Variants in ARHGAP17 observed in about 807,000 individuals in gnomAD.
ARHGAP17 encodes the protein Rho GTPase activating protein 17.
In ARHGAP17, 57 loss-of-function variants were observed where a neutral mutation model predicts 99.5. The ratio of observed to expected loss-of-function variants is 0.57; its 90% CI spans 0.46 to 0.71. The LOEUF (loss-of-function observed/expected upper bound fraction) is 0.71. ARHGAP17 is among the 30% of genes least tolerant of loss of function. The pLI is 0.00. For missense variants in ARHGAP17, 1,000 were observed against 1,122.4 expected (o/e 0.89, Z 1.56); for synonymous variants, 417 against 429.6 (o/e 0.97, Z 0.36).
At chr16:24,992,206 T>C (rs2053064606) in intron 1 of ARHGAP17, among the ~76,000 whole-genome samples, 1 of 152,198 alleles carries the variant, frequency 6.6e-6, no homozygotes, top group African/African-American at 2.4e-5. Flanking sequence ...AGTTTCAGAA[T>C]GAAAAGTAGA....
rs749432666 is a variant in ARHGAP17 at position 24,920,225 on chromosome 16, T to C, written c.2551A>G (p.Ile851Val). The change falls in exon 20 of 20, where the codon ATC (isoleucine) becomes GTC (valine). Residue 851 changes from isoleucine (I) to valine (V), a missense_variant. Transcript: ENST00000289968. The stretch of plus-strand genomic sequence containing the variant: ...GAGTCTGAGTGCATTTCAGGAAAGA[T>C]GCTGCGATGCGGTTCTGAAACCCTG... ...NSRVSEPHRS[I>V]FPEMHSDSAS... The C allele has an allele frequency of 3.7e-6, 6 of 1,613,970 alleles. No individual in the cohort carries two copies. The Admixed American group carries it at 8.3e-5, about 22-fold the overall frequency.
chr16:24,974,884 T>C (rs1392068031), intron 3 of ARHGAP17, among the ~76,000 whole-genome samples: 1 of 152,180 alleles, frequency 6.6e-6, no homozygotes, highest in Non-Finnish European at 1.5e-5. Context: ...CAGTAGCTCA[T>C]GCCTGTAATC....
At chr16:24,941,266 A>G (rs2051304470) in intron 16 of ARHGAP17, among the ~76,000 whole-genome samples, 1 of 152,248 alleles carries the variant, frequency 6.6e-6, no homozygotes, top group African/African-American at 2.4e-5. Context: ...ATATACCAAG[A>G]AAAGCATATT....
At chr16:24,952,145 A>G in intron 12 of ARHGAP17, 144 bp downstream of exon 12, 1 of 570,154 alleles carries the variant, frequency 1.8e-6, no homozygotes, top group Non-Finnish European at 3.0e-6. Context: ...TTTATTCTAA[A>G]CATAAATAAG....
intron 1 of ARHGAP17, among the ~76,000 whole-genome samples, chr16:24,985,124 G>A (rs1024666291): frequency 2.0e-5 from 3 of 152,306 alleles, no homozygotes; most frequent in Admixed American, 6.5e-5. Flanking sequence ...TTGTCATGAT[G>A]GGAGATGCTA....
At chr16:25,013,351 G>A (rs1053433898) in intron 1 of ARHGAP17, among the ~76,000 whole-genome samples, 2 of 152,198 alleles carry the variant, frequency 1.3e-5, no homozygotes, top group Non-Finnish European at 2.9e-5. Flanking sequence ...TGCCAGGCAA[G>A]GTGGCTCACG....
chr16:24,994,666 G>A (rs1310195041), intron 1 of ARHGAP17, among the ~76,000 whole-genome samples: 2 of 152,140 alleles, frequency 1.3e-5, no homozygotes, highest in Middle Eastern at 3.2e-3. Context: ...AACTCTACGG[G>A]ATAAGTATTA....
chr16:24,993,346 G>A (rs2141439069), intron 1 of ARHGAP17, among the ~76,000 whole-genome samples: 1 of 152,236 alleles, frequency 6.6e-6, no homozygotes, highest in East Asian at 1.9e-4. Context: ...AGCACTTTGG[G>A]AGGCCGAGGT....
intron 1 of ARHGAP17, among the ~76,000 whole-genome samples, chr16:24,981,279 C>T (rs1346302100): frequency 6.6e-6 from 1 of 151,940 alleles, no homozygotes; most frequent in Non-Finnish European, 1.5e-5. Context: ...GAAAATAAAG[C>T]AAACATAAAA....
At chr16:25,002,396 T>A (rs1191036369) in intron 1 of ARHGAP17, among the ~76,000 whole-genome samples, 1 of 152,168 alleles carries the variant, frequency 6.6e-6, no homozygotes, top group Non-Finnish European at 1.5e-5. Context: ...CTGAGCCTAC[T>A]GCAGTAGCTT....
At chr16:24,972,937 ATT>A (rs11335814) in intron 3 of ARHGAP17, among the ~76,000 whole-genome samples, 109 of 147,386 alleles carry the variant, frequency 7.4e-4, no homozygotes, top group East Asian at 8.0e-4. Flanking sequence ...ATCAGGGATA[ATT>A]TTTTTTTTTT....
chr16:24,972,385 A>G lies in ARHGAP17; in HGVS notation c.199-1805T>C, dbSNP rs116464648. Among the ~76,000 whole-genome samples, 1,006 of 152,292 alleles carry G rather than the reference A, an allele frequency of 6.6e-3. 14 individuals carry two copies. Among genetic ancestry groups the G allele is most frequent in the African/African-American group, 0.023 (960 of 41,572 alleles). The stretch of plus-strand genomic sequence containing the variant: ...CATTTCCCCTCTCCCCAAATTATTG[A>G]TTTTTAAATTTTTTGTAGAGACAAG... On this transcript the variant is annotated intron_variant, in intron 3 of 19. Transcript: ENST00000289968.
At position 24,931,278 on chromosome 16, in the gene ARHGAP17, C is replaced by A. The variant is rs150105357; in HGVS notation, c.2021G>T (p.Ser674Ile). 1.4e-5 allele frequency: 21 copies of A among 1,526,038 alleles called. No individual in the cohort carries two copies. Among genetic ancestry groups the A allele is most frequent in the Non-Finnish European group, 1.8e-5 (21 of 1,136,788 alleles). The allele number at this position is 1,526,038 out of a possible 1,614,324, so 94.5% of individuals were successfully genotyped here. A position where few individuals can be genotyped will look rare whatever the true frequency, so the allele number is the denominator to read the frequency against. Residue 674 changes from serine (S) to isoleucine (I), a missense_variant, in exon 19 of 20, where the codon AGC becomes ATC. Ser to Ile is a moderately radical substitution (Grantham distance 142, BLOSUM62 -2). Coordinates refer to ENST00000289968, the MANE Select transcript of ARHGAP17 (RefSeq NM_001006634.3). Reference sequence around the variant, plus strand: ...CGTGTGCTGGGTGGGAGGAGAGGGGCTTCGGGTGGGTGGCTTTGGTGACAG... The same window carrying A: ...CGTGTGCTGGGTGGGAGGAGAGGGGATTCGGGTGGGTGGCTTTGGTGACAG... The part of the protein sequence containing the change: ...PSLSPKPPTR[S>I]PSPPTQHTGQ...
At chr16:24,983,003 T>TACA (rs60797276) in intron 1 of ARHGAP17, among the ~76,000 whole-genome samples, 1 of 41,524 alleles carries the variant, frequency 2.4e-5, no homozygotes, top group Admixed American at 3.3e-4. Context: ...TATATTTTTT[T>TACA]TTTTTTTTTT....
chr16:25,003,110 T>C (rs553408787), intron 1 of ARHGAP17, among the ~76,000 whole-genome samples: 2 of 145,440 alleles, frequency 1.4e-5, no homozygotes, highest in African/African-American at 5.0e-5. Context: ...GAGAAAATAA[T>C]AAGTTACATT....
intron 17 of ARHGAP17, among the ~76,000 whole-genome samples, chr16:24,938,463 C>T (rs746960817): frequency 6.6e-6 from 1 of 152,032 alleles, no homozygotes; most frequent in African/African-American, 2.4e-5. Flanking sequence ...ACTAAAAGAG[C>T]CTTTTAAGAA....
At chr16:24,984,900 A>T (rs2052811340) in intron 1 of ARHGAP17, among the ~76,000 whole-genome samples, 1 of 152,216 alleles carries the variant, frequency 6.6e-6, no homozygotes, top group Non-Finnish European at 1.5e-5. Flanking sequence ...AAATAAAAAA[A>T]AAATGTCTGT....
chr16:24,923,551 G>C (rs369216462), intron 19 of ARHGAP17, among the ~76,000 whole-genome samples: 5 of 152,062 alleles, frequency 3.3e-5, no homozygotes, highest in East Asian at 1.9e-4. Context: ...ATGAGACTCC[G>C]TCTCTATAAG....
chr16:24,941,638 A>G, intron 16 of ARHGAP17: 1 of 231,948 alleles, frequency 4.3e-6, no homozygotes, highest in Non-Finnish European at 8.6e-6. Context: ...TCTGGACAAA[A>G]GTCCACACTA....
Sources: allele counts gnomAD v4.1 joint callset (sites outside exome capture counted in the v4.1 genomes callset), GRCh38; gene constraint gnomAD v4.1.1; transcripts MANE v1.5; gene names NCBI Gene and HGNC (gene_info 2026-07-23, HGNC 2026-07-21).